SLFN12L: variants seen among roughly 807,000 people sequenced by gnomAD.
SLFN12L encodes schlafen family member 12-like.
A neutral mutation model predicts 34.8 loss-of-function variants in SLFN12L; 34 were observed. That is an observed-to-expected ratio of 0.98 (90% CI 0.74 to 1.30). The LOEUF (loss-of-function observed/expected upper bound fraction) is 1.30, where lower values mean the gene tolerates loss of function less well. Ranked by LOEUF, SLFN12L falls within the 50% of genes most tolerant of loss-of-function variation. SLFN12L has a pLI of 0.00. For missense variants in SLFN12L, 703 were observed against 696.2 expected, an observed-to-expected ratio of 1.01 and a Z score of -0.11; for synonymous variants, 259 against 247.5, an observed-to-expected ratio of 1.05 and a Z score of -0.44.
intron 2 of SLFN12L, among the ~76,000 whole-genome samples, chr17:35,511,946 C>T (rs1389684112): frequency 1.3e-5 from 2 of 152,054 alleles, no homozygotes; most frequent in East Asian, 1.9e-4. Flanking sequence ...AAGTGTACAA[C>T]GTTAGCACAT....
intron 2 of SLFN12L, among the ~76,000 whole-genome samples, chr17:35,512,639 T>A (rs1915691108): frequency 6.6e-6 from 1 of 152,214 alleles, no homozygotes; most frequent in Admixed American, 6.5e-5. Flanking sequence ...GTGCCAGGAT[T>A]ACAGGCGTGA....
chr17:35,476,107 T>C (rs1913992896), intron 4 of SLFN12L, among the ~76,000 whole-genome samples: 1 of 151,750 alleles, frequency 6.6e-6, no homozygotes, highest in Non-Finnish European at 1.5e-5. Flanking sequence ...ACAGCATGGG[T>C]AAATAGAGCC....
intron 2 of SLFN12L, among the ~76,000 whole-genome samples, chr17:35,513,943 T>C (rs1915734653): frequency 6.6e-6 from 1 of 152,140 alleles, no homozygotes; most frequent in Admixed American, 6.5e-5. Flanking sequence ...AAATTCAGAA[T>C]ATTAAAAAAG....
rs1913755166 is a variant in SLFN12L, at chr17:35,468,791, A to C, written c.*6132T>G. On this transcript the variant is annotated 3_prime_UTR_variant, in exon 5 of 5. Coordinates refer to ENST00000628453, the MANE Select transcript of SLFN12L (RefSeq NM_001363830.2). The stretch of plus-strand genomic sequence containing the variant: ...TTCCAGCACTTTGGGAGGCTGAGGC[A>C]GGACTGCTTAATCCCAGGAGTTCAA... Among the ~76,000 whole-genome samples, 1 of 152,168 alleles carries C rather than the reference A, an allele frequency of 6.6e-6. No homozygotes were observed. Among genetic ancestry groups the C allele is most frequent in the Non-Finnish European group, 1.5e-5 (1 of 68,024 alleles).
chr17:35,535,924 G>A (rs1367124964), intron 1 of SLFN12L, among the ~76,000 whole-genome samples: 1 of 152,114 alleles, frequency 6.6e-6, no homozygotes, highest in East Asian at 1.9e-4. Flanking sequence ...CCAAAGTGCT[G>A]GGATTACAGG....
At chr17:35,512,065 G>T (rs1915661879) in intron 2 of SLFN12L, among the ~76,000 whole-genome samples, 1 of 152,172 alleles carries the variant, frequency 6.6e-6, no homozygotes. Context: ...ATCACCACAG[G>T]GACTTGGTTC....
chr17:35,508,960 C>T (rs1915553254), intron 2 of SLFN12L, among the ~76,000 whole-genome samples: 1 of 152,168 alleles, frequency 6.6e-6, no homozygotes, highest in Non-Finnish European at 1.5e-5. Flanking sequence ...ACTCTGGCCA[C>T]TACTGAAAAC....
chr17:35,507,108 A>G (rs1597864558), intron 2 of SLFN12L, among the ~76,000 whole-genome samples: 1 of 152,128 alleles, frequency 6.6e-6, no homozygotes, highest in East Asian at 1.9e-4. Context: ...ACACCAAATT[A>G]CCCGGCCAGT....
intron 2 of SLFN12L, among the ~76,000 whole-genome samples, chr17:35,501,793 T>G (rs1597859840): frequency 6.6e-6 from 1 of 152,148 alleles, no homozygotes; most frequent in East Asian, 1.9e-4. Flanking sequence ...ACAGGTCCCT[T>G]GTTTCAAAGG....
At chr17:35,480,302 G>T in intron 2 of SLFN12L, 107 bp from the exon 3 acceptor site, 1 of 853,168 alleles carries the variant, frequency 1.2e-6, no homozygotes, top group South Asian at 1.9e-5. Context: ...CCACTAGACT[G>T]GTAAGTATAT....
At chr17:35,521,537 C>T (rs1037170509) in intron 2 of SLFN12L, among the ~76,000 whole-genome samples, 7 of 152,140 alleles carry the variant, frequency 4.6e-5, no homozygotes, top group Non-Finnish European at 1.5e-5. Context: ...CTAGCTAAAG[C>T]CAGATTGCAG....
intron 1 of SLFN12L, among the ~76,000 whole-genome samples, chr17:35,531,038 G>T (rs148721910): frequency 6.6e-6 from 1 of 152,008 alleles, no homozygotes; most frequent in Non-Finnish European, 1.5e-5. Flanking sequence ...TGGTTAAAGA[G>T]AAAGATAAAA....
At chr17:35,498,197 C>CCGCCTGGGGAGCCGGGGT (rs1915163036) in intron 2 of SLFN12L, 3 of 698,364 alleles carry the variant, frequency 4.3e-6, no homozygotes, top group Admixed American at 2.0e-5. Flanking sequence ...GGAGCCGGGG[C>CCGCCTGGGGAGCCGGGGT]CGCCTGGGAT....
intron 2 of SLFN12L, 59 bp downstream of exon 2, chr17:35,522,220 G>A: frequency 6.3e-7 from 1 of 1,597,652 alleles, no homozygotes; most frequent in East Asian, 2.3e-5. Flanking sequence ...AGGTGACTTA[G>A]CAGAGAAAAT....
chr17:35,477,507 G>A (rs748941099), intron 4 of SLFN12L, among the ~76,000 whole-genome samples: 13 of 152,176 alleles, frequency 8.5e-5, no homozygotes, highest in Non-Finnish European at 1.9e-4. Flanking sequence ...TGGAGAAGAC[G>A]TCTGAAATCT....
intron 2 of SLFN12L, among the ~76,000 whole-genome samples, chr17:35,504,525 GC>G (rs1195951919): frequency 1.3e-5 from 2 of 152,206 alleles, no homozygotes; most frequent in Non-Finnish European, 2.9e-5. Flanking sequence ...TTATGCTTGT[GC>G]ACATGGCAGT....
intron 2 of SLFN12L, among the ~76,000 whole-genome samples, chr17:35,483,905 A>G (rs1434363102): frequency 6.6e-6 from 1 of 152,226 alleles, no homozygotes; most frequent in Admixed American, 6.5e-5. Context: ...ATTTCTGATC[A>G]TGTGTAAACA....
At chr17:35,525,887 G>GC (rs920300142) in intron 1 of SLFN12L, among the ~76,000 whole-genome samples, 3 of 152,088 alleles carry the variant, frequency 2.0e-5, no homozygotes, top group African/African-American at 4.8e-5. Flanking sequence ...TGGGCTAAAT[G>GC]CCCCAATTAA....
intron 2 of SLFN12L, among the ~76,000 whole-genome samples, chr17:35,522,001 G>A (rs543007499): frequency 6.6e-6 from 1 of 152,180 alleles, no homozygotes; most frequent in East Asian, 1.9e-4. Flanking sequence ...GATAGCATTA[G>A]GAGATATACC....
Sources: allele counts gnomAD v4.1 joint callset (sites outside exome capture counted in the v4.1 genomes callset), GRCh38; gene constraint gnomAD v4.1.1; transcripts MANE v1.5; gene names NCBI Gene and HGNC (gene_info 2026-07-23, HGNC 2026-07-21).